The following CUL5 variants were observed in gnomAD, a reference collection of about 807,000 sequenced individuals.
CUL5 encodes the protein cullin-5.
A neutral mutation model predicts 108.8 loss-of-function variants in CUL5; 26 were observed. That is an observed-to-expected ratio of 0.24 (90% CI 0.18 to 0.33). The LOEUF (loss-of-function observed/expected upper bound fraction) is 0.33, where lower values mean the gene tolerates loss of function less well. Among genes scored for constraint, CUL5 ranks in the 10% least tolerant of loss-of-function variants. The pLI, the probability that CUL5 is intolerant of heterozygous loss-of-function variation, is 1.00. For synonymous variants in CUL5, 334 were observed against 298.0 expected (o/e 1.12, Z -1.25); for missense variants, 524 against 909.2 (o/e 0.58, Z 5.45).
At chr11:108,035,712 G>A (rs1862722780) in intron 2 of CUL5, among the ~76,000 whole-genome samples, 2 of 151,566 alleles carry the variant, frequency 1.3e-5, no homozygotes, top group African/African-American at 2.4e-5. Context: ...CCGTGACTGT[G>A]CCACTACACT....
chr11:108,029,534 A>G (rs1053487644), intron 1 of CUL5, among the ~76,000 whole-genome samples: 2 of 152,222 alleles, frequency 1.3e-5, no homozygotes, highest in African/African-American at 4.8e-5. Flanking sequence ...TAGTCTGAAG[A>G]TTCTTTTTCT....
intron 18 of CUL5, among the ~76,000 whole-genome samples, chr11:108,098,881 T>G (rs1046924471): frequency 2.6e-5 from 4 of 152,126 alleles, no homozygotes; most frequent in Admixed American, 6.6e-5. Flanking sequence ...GATTAAGACC[T>G]TCTGAATATA....
intron 1 of CUL5, among the ~76,000 whole-genome samples, chr11:108,021,261 A>G (rs1208854027): frequency 6.6e-6 from 1 of 152,166 alleles, no homozygotes; most frequent in Non-Finnish European, 1.5e-5. Flanking sequence ...GGAACTTCAC[A>G]AATCTTAAAA....
At chr11:108,021,255 C>G (rs1862320383) in intron 1 of CUL5, among the ~76,000 whole-genome samples, 1 of 152,108 alleles carries the variant, frequency 6.6e-6, no homozygotes, top group African/African-American at 2.4e-5. Flanking sequence ...ATGGCGGGAA[C>G]TTCACAAATC....
rs1412376286 is a variant in CUL5 at position 108,106,976 on chromosome 11, CA to C, written c.*2593del. 6.7e-6 allele frequency: 1 copy of C among 149,822 alleles called. No individual in the cohort carries two copies. Among genetic ancestry groups the C allele is most frequent in the African/African-American group, 2.5e-5 (1 of 40,536 alleles). The allele number at this position is 149,822 out of a possible 1,614,324, so 9.3% of individuals were successfully genotyped here. ...TCTGGAAAATGTTAACTTGTGTTGCCATCTCGTTGCCGGAGTAAGTAGACAT... is the reference window on the plus strand; with the variant it reads ...TCTGGAAAATGTTAACTTGTGTTGCCTCTCGTTGCCGGAGTAAGTAGACAT... On this transcript the variant is annotated 3_prime_UTR_variant, in exon 19 of 19. Transcript: ENST00000393094.
chr11:108,049,513 T>G (rs1863156866), intron 3 of CUL5, among the ~76,000 whole-genome samples: 1 of 152,060 alleles, frequency 6.6e-6, no homozygotes, highest in Non-Finnish European at 1.5e-5. Context: ...AGCTAATTTT[T>G]TGTATTATTT....
intron 5 of CUL5, among the ~76,000 whole-genome samples, chr11:108,053,544 A>T (rs551197107): frequency 6.6e-6 from 1 of 152,290 alleles, no homozygotes; most frequent in South Asian, 2.1e-4. Context: ...TAAACTTCAC[A>T]TGCAGAGTTT....
intron 7 of CUL5, among the ~76,000 whole-genome samples, chr11:108,064,872 G>A (rs984703829): frequency 1.3e-5 from 2 of 152,028 alleles, no homozygotes; most frequent in African/African-American, 4.8e-5. Context: ...GAATGAGTTT[G>A]GAAGTATTCC....
intron 5 of CUL5, among the ~76,000 whole-genome samples, chr11:108,053,269 T>C (rs1023899010): frequency 6.6e-6 from 1 of 152,230 alleles, no homozygotes; most frequent in African/African-American, 2.4e-5. Context: ...GTAAGTTAAC[T>C]TCTCTCATTT....
At chr11:108,031,005 T>G (rs1490310915) in intron 1 of CUL5, among the ~76,000 whole-genome samples, 1 of 152,162 alleles carries the variant, frequency 6.6e-6, no homozygotes, top group East Asian at 1.9e-4. Flanking sequence ...AGTTTGCATA[T>G]TCCATACAAT....
In CUL5 at chr11:108,104,387, T is replaced by G. The variant is rs969956278; in HGVS notation, c.*3T>G. The G allele has an allele frequency of 2.0e-6, 3 of 1,521,650 alleles. No individual in the cohort carries two copies. Among genetic ancestry groups the G allele is most frequent in the Admixed American group, 4.8e-5 (2 of 41,938 alleles). 94.3% of individuals were successfully genotyped at this position (1,521,650 alleles called of 1,614,324 possible). On this transcript the variant is annotated 3_prime_UTR_variant, in exon 19 of 19. Coordinates refer to ENST00000393094, the MANE Select transcript of CUL5 (RefSeq NM_003478.6). ...ACACTTTCATATATATGGCATAATT[T>G]TGAATATCATGGACAATATTTAGAA...
chr11:108,012,423 GTTC>G (rs1862076756), intron 1 of CUL5, among the ~76,000 whole-genome samples: 1 of 150,630 alleles, frequency 6.6e-6, no homozygotes, highest in Admixed American at 6.6e-5. Flanking sequence ...TTTCTCCTAT[GTTC>G]TTCTCTGTTC....
chr11:108,016,856 G>A (rs1159320832), intron 1 of CUL5, among the ~76,000 whole-genome samples: 2 of 152,090 alleles, frequency 1.3e-5, no homozygotes, highest in Non-Finnish European at 2.9e-5. Context: ...TCAGAGGCTG[G>A]ATGCAGTGGC....
intron 7 of CUL5, among the ~76,000 whole-genome samples, chr11:108,059,915 T>A (rs561348874): frequency 6.6e-6 from 1 of 151,986 alleles, no homozygotes; most frequent in East Asian, 1.9e-4. Context: ...AATACCCTTT[T>A]GTATTAGCAG....
At position 108,103,191 on chromosome 11, in the gene CUL5, A is replaced by G. The variant is rs191899326; in HGVS notation, c.2149-999A>G. 3.3e-3 allele frequency among the ~76,000 whole-genome samples: 503 copies of G among 152,348 alleles called. 4 individuals carry two copies. Among genetic ancestry groups the G allele is most frequent in the Middle Eastern group, 0.01 (3 of 294 alleles). On this transcript the variant is annotated intron_variant, in intron 18 of 18. Coordinates refer to ENST00000393094, the MANE Select transcript of CUL5 (RefSeq NM_003478.6). ...GATTTTCTGATAACTCTTATTGTAA[A>G]CTTAACAGTAATTAAGGAAATCATC...
chr11:108,034,596 T>G (rs1862681897), intron 2 of CUL5, among the ~76,000 whole-genome samples: 1 of 152,168 alleles, frequency 6.6e-6, no homozygotes, highest in South Asian at 2.1e-4. Flanking sequence ...TTAAAAGGAC[T>G]CATGGCAGCT....
Position 108,009,490 on chromosome 11 carries a change from C to T in CUL5, c.24+118C>T, listed in dbSNP as rs949622210. On this transcript the variant is annotated intron_variant, in intron 1 of 18. Coordinates refer to ENST00000393094, the MANE Select transcript of CUL5 (RefSeq NM_003478.6). ...GGAGTGTTCAGGGGTTGTCCACTGG[C>T]AGGGAAGCCGCGGTGGCAGCCGGCG... 6.3e-6 allele frequency: 7 copies of T among 1,109,872 alleles called. No homozygotes were observed. The Admixed American group carries it at 1.3e-4, about 21-fold the overall frequency. The allele number at this position is 1,109,872 out of a possible 1,614,324, so 68.8% of individuals were successfully genotyped here. A position where few individuals can be genotyped will look rare whatever the true frequency, so the allele number is the denominator to read the frequency against.
At chr11:108,023,942 C>T (rs1862390689) in intron 1 of CUL5, among the ~76,000 whole-genome samples, 1 of 152,112 alleles carries the variant, frequency 6.6e-6, no homozygotes, top group Non-Finnish European at 1.5e-5. Flanking sequence ...CCTCCTCCAC[C>T]ATGTTTGAAA....
At chr11:108,010,727 G>T (rs562295223) in intron 1 of CUL5, among the ~76,000 whole-genome samples, 1 of 152,190 alleles carries the variant, frequency 6.6e-6, no homozygotes, top group East Asian at 1.9e-4. Context: ...AAACTAATTC[G>T]GGGAATTGAG....
Sources: allele counts gnomAD v4.1 joint callset (sites outside exome capture counted in the v4.1 genomes callset), GRCh38; gene constraint gnomAD v4.1.1; transcripts MANE v1.5; gene names NCBI Gene and HGNC (gene_info 2026-07-23, HGNC 2026-07-21).